GRM7: variants seen among roughly 807,000 people sequenced by gnomAD.
The protein encoded by GRM7 is metabotropic glutamate receptor 7.
A neutral mutation model predicts 84.5 loss-of-function variants in GRM7; 35 were observed. That is an observed-to-expected ratio of 0.41 (90% CI 0.32 to 0.55). The LOEUF is 0.55. GRM7 is among the 20% of genes least tolerant of loss of function. The probability of loss-of-function intolerance (pLI) is 0.19; values close to 1 mark genes in which losing one functional copy is unlikely to be tolerated. For synonymous variants in GRM7, 487 were observed against 455.1 expected, an observed-to-expected ratio of 1.07 and a Z score of -0.89; for missense variants, 1,003 against 1,194.6, an observed-to-expected ratio of 0.84 and a Z score of 2.36.
chr3:6,866,251 AGT>A (rs1057254783), intron 1 of GRM7, among the ~76,000 whole-genome samples: 6 of 152,180 alleles, frequency 3.9e-5, no homozygotes, highest in African/African-American at 1.4e-4. Flanking sequence ...TGGATTTTAC[AGT>A]GTGTTTTAGT....
At chr3:7,295,522 A>G (rs2125016947) in intron 2 of GRM7, among the ~76,000 whole-genome samples, 1 of 152,308 alleles carries the variant, frequency 6.6e-6, no homozygotes, top group African/African-American at 2.4e-5. Context: ...CAAAAATAAA[A>G]TAAAATAAAA....
At position 7,593,190 on chromosome 3, in the gene GRM7, G is replaced by A. The variant is rs932091666; in HGVS notation, c.2451+13833G>A. 2.6e-4 allele frequency among the ~76,000 whole-genome samples: 39 copies of A among 152,102 alleles called. 2 individuals carry two copies. Among genetic ancestry groups the A allele is most frequent in the Admixed American group, 6.6e-5 (1 of 15,266 alleles). On this transcript the variant is annotated intron_variant, in intron 8 of 9. Transcript: ENST00000357716. ...TTGCCTCACCAAATTTCTCCTTTTG[G>A]TATCGTTAAAGTACAGTTTTATCAG...
intron 8 of GRM7, among the ~76,000 whole-genome samples, chr3:7,611,450 C>T (rs189508038): frequency 7.2e-5 from 11 of 152,246 alleles, no homozygotes; most frequent in East Asian, 1.9e-4. Flanking sequence ...GTCATCCCTC[C>T]GTTCTCCCTG....
chr3:7,008,679 A>G (rs925271918), intron 1 of GRM7, among the ~76,000 whole-genome samples: 3 of 152,206 alleles, frequency 2.0e-5, no homozygotes, highest in Admixed American at 6.5e-5. Flanking sequence ...TACAATTCCA[A>G]ATGAAGTACT....
chr3:7,011,937 G>A (rs1041684359), intron 1 of GRM7, among the ~76,000 whole-genome samples: 15 of 152,262 alleles, frequency 9.9e-5, no homozygotes, highest in African/African-American at 3.1e-4. Context: ...TCTGTCCTTT[G>A]TCTTGCAAAT....
At chr3:7,487,834 T>C (rs1699378839) in intron 7 of GRM7, among the ~76,000 whole-genome samples, 1 of 152,142 alleles carries the variant, frequency 6.6e-6, no homozygotes, top group African/African-American at 2.4e-5. Flanking sequence ...AGAGTCACCC[T>C]CACAACCCCA....
intron 7 of GRM7, among the ~76,000 whole-genome samples, chr3:7,563,451 T>C (rs1694117718): frequency 2.0e-5 from 3 of 152,102 alleles, no homozygotes. Context: ...CTTTTCAAAG[T>C]GTAAGTACAG....
At chr3:7,666,124 C>T (rs1235015832) in intron 8 of GRM7, among the ~76,000 whole-genome samples, 12 of 152,070 alleles carry the variant, frequency 7.9e-5, no homozygotes. Context: ...TAGGGAGCAT[C>T]ACGGAAGGAG....
chr3:7,115,364 C>T (rs1692995756), intron 1 of GRM7, among the ~76,000 whole-genome samples: 1 of 152,130 alleles, frequency 6.6e-6, no homozygotes, highest in Non-Finnish European at 1.5e-5. Context: ...TGCAAAATAA[C>T]ATATGTCAAG....
intron 1 of GRM7, among the ~76,000 whole-genome samples, chr3:7,070,035 G>T (rs1298919446): frequency 6.6e-6 from 1 of 152,056 alleles, no homozygotes. Flanking sequence ...GATGGATGAG[G>T]TGGAGGAAGA....
intron 2 of GRM7, among the ~76,000 whole-genome samples, chr3:7,207,314 G>A (rs777201293): frequency 6.6e-6 from 1 of 152,142 alleles, no homozygotes; most frequent in African/African-American, 2.4e-5. Context: ...GACAGGGCAG[G>A]GCTTCTGCAT....
intron 1 of GRM7, among the ~76,000 whole-genome samples, chr3:7,080,915 A>G (rs1442418565): frequency 6.6e-6 from 1 of 152,050 alleles, no homozygotes; most frequent in African/African-American, 2.4e-5. Flanking sequence ...AATCTAGTTC[A>G]ATTCATTCAT....
chr3:7,663,108 C>T (rs1699535443), intron 8 of GRM7, among the ~76,000 whole-genome samples: 3 of 152,120 alleles, frequency 2.0e-5, no homozygotes, highest in African/African-American at 7.2e-5. Context: ...CTAAGTGATA[C>T]TCTGATTATG....
chr3:7,602,050 A>G (rs1014916014), intron 8 of GRM7, among the ~76,000 whole-genome samples: 2 of 147,690 alleles, frequency 1.4e-5, no homozygotes, highest in African/African-American at 2.5e-5. Flanking sequence ...CTTTTCAGGA[A>G]GGCTCACCAG....
At chr3:7,216,364 C>T (rs1169192641) in intron 2 of GRM7, among the ~76,000 whole-genome samples, 1 of 152,024 alleles carries the variant, frequency 6.6e-6, no homozygotes, top group African/African-American at 2.4e-5. Context: ...GTATATGTAC[C>T]TATATGTATT....
intron 1 of GRM7, among the ~76,000 whole-genome samples, chr3:7,144,536 G>A (rs1694048405): frequency 6.6e-6 from 1 of 152,134 alleles, no homozygotes; most frequent in Non-Finnish European, 1.5e-5. Context: ...AGTCAAATGT[G>A]GGGAATCGAT....
chr3:7,509,956 A>G (rs1269067124), intron 7 of GRM7, among the ~76,000 whole-genome samples: 1 of 152,192 alleles, frequency 6.6e-6, no homozygotes, highest in Non-Finnish European at 1.5e-5. Context: ...CTAAACCTGG[A>G]AAACTTGGAA....
chr3:7,680,559 G>C, intron 9 of GRM7: 1 of 453,404 alleles, frequency 2.2e-6, no homozygotes, highest in Non-Finnish European at 4.0e-6. Context: ...TTGTCCTCTG[G>C]TACTGAATCC....
At chr3:7,207,004 C>G (rs1447129058) in intron 2 of GRM7, among the ~76,000 whole-genome samples, 1 of 151,926 alleles carries the variant, frequency 6.6e-6, no homozygotes, top group African/African-American at 2.4e-5. Context: ...TGCATACAGA[C>G]AGTTTGGATG....
Sources: gnomAD v4.1 joint callset for allele counts (sites outside exome capture counted in the v4.1 genomes callset) on GRCh38, gnomAD v4.1.1 for gene constraint, MANE v1.5 for transcripts, NCBI Gene and HGNC (gene_info 2026-07-23, HGNC 2026-07-21) for gene names.